The following CRYBA1 variants were observed in gnomAD, a reference collection of about 807,000 sequenced individuals.
CRYBA1 encodes beta-crystallin A3.
Under a neutral mutation model 36.2 loss-of-function variants are expected in CRYBA1, and 25 were observed. That is an observed-to-expected ratio of 0.69 (90% CI 0.50 to 0.97). The LOEUF (loss-of-function observed/expected upper bound fraction) is 0.97, where lower values mean the gene tolerates loss of function less well. Ranked by LOEUF, CRYBA1 falls within the 50% of genes least tolerant of loss-of-function variation. The probability of loss-of-function intolerance (pLI) is 0.00; values close to 1 mark genes in which losing one functional copy is unlikely to be tolerated. For missense variants in CRYBA1, 224 were observed against 276.3 expected (o/e 0.81, Z 1.34); for synonymous variants, 111 against 90.0 (o/e 1.23, Z -1.32).
chr17:29,248,073 G>A (rs1199605044), intron 1 of CRYBA1, among the ~76,000 whole-genome samples: 11 of 151,386 alleles, frequency 7.3e-5, no homozygotes, highest in South Asian at 2.1e-4. Context: ...CCGAGATTGC[G>A]CCATTGCACT....
At chr17:29,250,982 C>T (rs2068932307) in intron 3 of CRYBA1, among the ~76,000 whole-genome samples, 1 of 152,138 alleles carries the variant, frequency 6.6e-6, no homozygotes, top group South Asian at 2.1e-4. Flanking sequence ...AAGTTGCTTG[C>T]CACCAAAATT....
Position 29,246,977 on chromosome 17 carries a change from C to A in CRYBA1, c.31+83C>A, listed in dbSNP as rs2068904791. ...CCCAGGAGAGGGCCCAGTTCTCCTG[C>A]CTAGTGTGTAGAGCCTTCTAGGGTG... On this transcript the variant is annotated intron_variant, in intron 1 of 5. Coordinates refer to ENST00000225387, the MANE Select transcript of CRYBA1 (RefSeq NM_005208.5). 4 of 1,440,806 alleles carry A rather than the reference C, an allele frequency of 2.8e-6. No homozygotes were observed. The Admixed American group carries it at 7.8e-5, about 28-fold the overall frequency. The allele number at this position is 1,440,806 out of a possible 1,614,324, so 89.3% of individuals were successfully genotyped here.
At chr17:29,253,434 T>C (rs931803773) in intron 4 of CRYBA1, among the ~76,000 whole-genome samples, 2 of 152,254 alleles carry the variant, frequency 1.3e-5, no homozygotes, top group Non-Finnish European at 2.9e-5. Flanking sequence ...GTATATCAGT[T>C]ATTTGTACAT....
At chr17:29,249,270 G>A in intron 2 of CRYBA1, 64 bp downstream of exon 2, 1 of 1,148,752 alleles carries the variant, frequency 8.7e-7, no homozygotes, top group East Asian at 2.3e-5. Flanking sequence ...CAGGCCCCAG[G>A]CCTGTGCTCG....
intron 1 of CRYBA1, among the ~76,000 whole-genome samples, chr17:29,247,805 G>T (rs1308261884): frequency 6.6e-6 from 1 of 152,238 alleles, no homozygotes; most frequent in Non-Finnish European, 1.5e-5. Context: ...GGCTGGGTAG[G>T]ATCTAGGAGA....
rs1336899907 is a variant in CRYBA1 at position 29,254,491 on chromosome 17, A to C, written c.*142A>C. The C allele has an allele frequency of 1.3e-5, 11 of 871,950 alleles. No homozygotes were observed. Among genetic ancestry groups the C allele is most frequent in the Non-Finnish European group, 2.0e-5 (11 of 553,734 alleles). The allele number at this position is 871,950 out of a possible 1,614,324, so 54.0% of individuals were successfully genotyped here. On this transcript the variant is annotated 3_prime_UTR_variant, in exon 6 of 6. Transcript: ENST00000225387. The stretch of plus-strand genomic sequence containing the variant: ...CACAATAAACGTCATTTAAAAAAAA[A>C]AAACTTTGTAGACTGAATTAACTAC...
intron 5 of CRYBA1, 143 bp from the exon 6 acceptor site, chr17:29,254,059 G>A: frequency 5.4e-6 from 5 of 929,898 alleles, no homozygotes; most frequent in African/African-American, 1.6e-5. Flanking sequence ...CTTACAAATA[G>A]TGCCTGACAC....
In CRYBA1 at chr17:29,254,068, A is replaced by T. The variant is rs1388169560; in HGVS notation, c.501-134A>T. 4 of 989,674 alleles carry T rather than the reference A, an allele frequency of 4.0e-6. No homozygotes were observed. The South Asian group carries it at 5.6e-5, about 14-fold the overall frequency. 61.3% of individuals were successfully genotyped at this position (989,674 alleles called of 1,614,324 possible). Reference sequence around the variant, plus strand: ...ATTATGCTTACAAATAGTGCCTGACACATTTAGGATGGCTATTTTTTCTAA... The same window carrying T: ...ATTATGCTTACAAATAGTGCCTGACTCATTTAGGATGGCTATTTTTTCTAA... On this transcript the variant is annotated intron_variant, in intron 5 of 5. Transcript: ENST00000225387.
intron 1 of CRYBA1, among the ~76,000 whole-genome samples, chr17:29,248,778 C>A (rs2068917257): frequency 6.6e-6 from 1 of 151,884 alleles, no homozygotes; most frequent in Non-Finnish European, 1.5e-5. Context: ...ACCAGCCTGG[C>A]CAACATGGTG....
Position 29,253,702 on chromosome 17 carries a change from G to A in CRYBA1, c.420G>A (p.Glu140=), listed in dbSNP as rs2068949864. 2 of 1,613,864 alleles carry A rather than the reference G, an allele frequency of 1.2e-6. No individual in the cohort carries two copies. Among genetic ancestry groups the A allele is most frequent in the African/African-American group, 1.3e-5 (1 of 74,890 alleles). Reference sequence around the variant, plus strand: ...AAAACTTTATTGGACGCCAGTGGGAGATCTCTGACGACTACCCCTCCTTGC... The same window carrying A: ...AAAACTTTATTGGACGCCAGTGGGAAATCTCTGACGACTACCCCTCCTTGC... ...EKENFIGRQW[E]ISDDYPSLQA... Residue 140 remains glutamate, a synonymous_variant, in exon 5 of 6, where the codon GAG becomes GAA. Coordinates refer to ENST00000225387, the MANE Select transcript of CRYBA1 (RefSeq NM_005208.5).
At chr17:29,253,561 T>A in intron 4 of CRYBA1, 79 bp from the exon 5 acceptor site, 1 of 1,192,220 alleles carries the variant, frequency 8.4e-7, no homozygotes, top group Non-Finnish European at 1.2e-6. Flanking sequence ...AATCCAAAAG[T>A]GTTTCAATTT....
chr17:29,251,343 T>C (rs1326042527), intron 3 of CRYBA1, among the ~76,000 whole-genome samples: 1 of 152,118 alleles, frequency 6.6e-6, no homozygotes, highest in African/African-American at 2.4e-5. Flanking sequence ...CAACTCATAA[T>C]GTTTTGAGGA....
rs756312734 is a variant in CRYBA1, at chr17:29,253,744, C to T, written c.462C>T (p.Phe154=). 1.9e-6 allele frequency: 3 copies of T among 1,614,026 alleles called. No individual in the cohort carries two copies. Among genetic ancestry groups the T allele is most frequent in the South Asian group, 2.2e-5 (2 of 91,084 alleles). The change falls in exon 5 of 6, where the codon TTC becomes TTT. Residue 154 remains phenylalanine (F), a synonymous_variant. Coordinates refer to ENST00000225387, the MANE Select transcript of CRYBA1 (RefSeq NM_005208.5). ...DYPSLQAMGW[F]NNEVGSMKIQ... ...CCTCCTTGCAAGCCATGGGCTGGTT[C>T]AACAACGAAGTCGGCTCCATGAAGA...
Position 29,246,873 on chromosome 17 carries a change from C to G in CRYBA1, c.10C>G (p.Gln4Glu). ...GAGCAAGTGGTACCAGATGGAGACC[C>G]AGGCTGAGCAGCAGGAGCTGGGTGA... Reference protein sequence around the residue: METQAEQQELETLP... With the variant: METEAEQQELETLP... The change falls in exon 1 of 6, where the codon CAG becomes GAG. Residue 4 changes from glutamine (Q) to glutamate (E), a missense_variant. Coordinates refer to ENST00000225387, the MANE Select transcript of CRYBA1 (RefSeq NM_005208.5). 6.2e-7 allele frequency: 1 copy of G among 1,612,624 alleles called. No individual in the cohort carries two copies. Among genetic ancestry groups the G allele is most frequent in the Non-Finnish European group, 8.5e-7 (1 of 1,179,706 alleles).
At position 29,252,142 on chromosome 17, in the gene CRYBA1, C is replaced by T; in HGVS notation, c.294C>T (p.Ala98=). The change falls in exon 4 of 6, where the codon GCC becomes GCT. Residue 98 remains alanine, a synonymous_variant. Coordinates refer to ENST00000225387, the MANE Select transcript of CRYBA1 (RefSeq NM_005208.5). ...GAGGAGAATACCCTCGCTGGGATGC[C>T]TGGAGTGGGAGTAATGCCTACCACA... ...LERGEYPRWD[A]WSGSNAYHIE... 6.2e-7 allele frequency: 1 copy of T among 1,614,096 alleles called. No individual in the cohort carries two copies. Among genetic ancestry groups the T allele is most frequent in the South Asian group, 1.1e-5 (1 of 91,074 alleles).
Position 29,254,410 on chromosome 17 carries a change from AAT to A in CRYBA1, c.*63_*64del. 6.4e-7 allele frequency: 1 copy of A among 1,554,754 alleles called. No individual in the cohort carries two copies. Among genetic ancestry groups the A allele is most frequent in the Non-Finnish European group, 8.9e-7 (1 of 1,126,500 alleles). On this transcript the variant is annotated 3_prime_UTR_variant, in exon 6 of 6. Coordinates refer to ENST00000225387, the MANE Select transcript of CRYBA1 (RefSeq NM_005208.5). ...CATGAGACCTTGCTAAGCACTCTAG[AAT>A]AAGTTTTATGTTCTGCTCACAGACA...
At position 29,252,120 on chromosome 17, in the gene CRYBA1, G is replaced by A. The variant is rs1184902492; in HGVS notation, c.272G>A (p.Gly91Glu). Residue 91 changes from glycine to glutamate, a missense_variant, in exon 4 of 6, where the codon GGA becomes GAA. Gly to Glu is a moderately conservative substitution (Grantham distance 98, BLOSUM62 -2). Coordinates refer to ENST00000225387, the MANE Select transcript of CRYBA1 (RefSeq NM_005208.5). ...FCGQQFILER[G>E]EYPRWDAWSG... ...GGGCAACAGTTTATCCTGGAGAGAG[G>A]AGAATACCCTCGCTGGGATGCCTGG... 1.9e-6 allele frequency: 3 copies of A among 1,614,054 alleles called. No individual in the cohort carries two copies. Among genetic ancestry groups the A allele is most frequent in the East Asian group, 2.2e-5 (1 of 44,890 alleles).
rs541356574 is a variant in CRYBA1, at chr17:29,251,688, A to G, written c.216-376A>G. ...TAGACGGGGTTTCGCCATGTTTCCC[A>G]GGCTGGTCTCCAACTCATGGGCTCA... On this transcript the variant is annotated intron_variant, in intron 3 of 5. Transcript: ENST00000225387. Among the ~76,000 whole-genome samples, 39 of 152,232 alleles carry G rather than the reference A, an allele frequency of 2.6e-4. No homozygotes were observed. In the East Asian group the frequency reaches 6.6e-3, roughly 26 times the overall value.
At chr17:29,247,698 C>A (rs1207875684) in intron 1 of CRYBA1, among the ~76,000 whole-genome samples, 1 of 152,218 alleles carries the variant, frequency 6.6e-6, no homozygotes, top group African/African-American at 2.4e-5. Flanking sequence ...CCAACCAGAA[C>A]ACAGATTGGT....
Sources: gnomAD v4.1 joint callset for allele counts (sites outside exome capture counted in the v4.1 genomes callset) on GRCh38, gnomAD v4.1.1 for gene constraint, MANE v1.5 for transcripts, NCBI Gene and HGNC (gene_info 2026-07-23, HGNC 2026-07-21) for gene names.